HYDIN: variants seen among roughly 807,000 people sequenced by gnomAD.
The protein encoded by HYDIN is HYDIN axonemal central pair apparatus protein, also known as axonemal central pair apparatus protein HYDIN.
A neutral mutation model predicts 403.9 loss-of-function variants in HYDIN; 132 were observed. That is an observed-to-expected ratio of 0.33 (90% CI 0.28 to 0.38). The LOEUF is 0.38. HYDIN is among the 10% of genes least tolerant of loss of function. The pLI, the probability that HYDIN is intolerant of heterozygous loss-of-function variation, is 1.00. For synonymous variants in HYDIN, 1,202 were observed against 1,891.7 expected, an observed-to-expected ratio of 0.64 and a Z score of 9.46; for missense variants, 2,827 against 5,009.5, an observed-to-expected ratio of 0.56 and a Z score of 13.15.
rs2035189179 is a variant in HYDIN at position 70,807,826 on chromosome 16, G to T, written c.15120C>A (p.Ile5040=). The T allele has an allele frequency of 6.2e-7, 1 of 1,614,078 alleles. No individual in the cohort carries two copies. The highest frequency in any genetic ancestry group is 1.1e-5 in the South Asian group (1 of 91,094). The change falls in exon 86 of 86, where the codon ATC becomes ATA. Residue 5040 remains isoleucine (I), a synonymous_variant. Coordinates refer to ENST00000393567, the MANE Select transcript of HYDIN (RefSeq NM_001270974.2). ...TGTGATAGAAGACATTCTTGAAGGG[G>T]ATGATTATGCTGTACCCGGCTCGGA... is the stretch of plus-strand genomic sequence containing the variant. ...FSIRAGYSII[I]PFKNVFYHMV... is the part of the protein sequence containing the mutation.
chr16:71,161,289 G>A (rs1466975814), intron 6 of HYDIN, among the ~76,000 whole-genome samples: 3 of 152,132 alleles, frequency 2.0e-5, no homozygotes, highest in South Asian at 2.1e-4. Flanking sequence ...GAGCTCAGGC[G>A]GTAATGCTAG....
intron 16 of HYDIN, 110 bp downstream of exon 16, chr16:71,064,595 T>C (rs1242691637): frequency 1.0e-6 from 1 of 959,240 alleles, no homozygotes; most frequent in Non-Finnish European, 1.5e-6. Flanking sequence ...AAATCAGCAT[T>C]ACTTAAGGTC....
intron 18 of HYDIN, among the ~76,000 whole-genome samples, chr16:71,059,604 G>C (rs572108754): frequency 6.6e-6 from 1 of 151,926 alleles, no homozygotes; most frequent in East Asian, 1.9e-4. Flanking sequence ...ACAAAGAAGG[G>C]AACAAGAGAC....
In HYDIN at chr16:70,902,549, G is replaced by A. The variant is rs1165206247; in HGVS notation, c.8849+1076C>T. ...CAGGAGAATCGCTTGAATCCGGGAG[G>A]CAGAGGTTGCAGCAAGCCGAGATCG... On this transcript the variant is annotated intron_variant, in intron 52 of 85. Coordinates refer to ENST00000393567, the MANE Select transcript of HYDIN (RefSeq NM_001270974.2). 5.5e-5 allele frequency among the ~76,000 whole-genome samples: 8 copies of A among 144,920 alleles called. No homozygotes were observed. In the East Asian group the frequency reaches 1.4e-3, roughly 25 times the overall value.
intron 38 of HYDIN, among the ~76,000 whole-genome samples, chr16:70,960,893 G>A (rs543729215): frequency 2.0e-4 from 31 of 152,228 alleles, no homozygotes; most frequent in African/African-American, 6.7e-4. Context: ...GGGTTTCATC[G>A]TGTCAGCCAG....
At chr16:70,992,734 C>A (rs2079399683) in intron 23 of HYDIN, among the ~76,000 whole-genome samples, 1 of 152,022 alleles carries the variant, frequency 6.6e-6, no homozygotes, top group Non-Finnish European at 1.5e-5. Context: ...GACCTCAGTG[C>A]CTTGCTTGCC....
intron 38 of HYDIN, among the ~76,000 whole-genome samples, chr16:70,960,271 GT>G (rs2078371428): frequency 6.6e-6 from 1 of 151,388 alleles, no homozygotes. Flanking sequence ...GGCCAAATCT[GT>G]CCTGCTGCTT....
intron 6 of HYDIN, among the ~76,000 whole-genome samples, chr16:71,159,449 T>C (rs1294330346): frequency 2.3e-4 from 3 of 12,968 alleles, no homozygotes; most frequent in African/African-American, 9.8e-4. Flanking sequence ...TGAAAGAGGA[T>C]AGAACAAAAA....
At chr16:71,171,258 A>G (rs1235870760) in intron 5 of HYDIN, among the ~76,000 whole-genome samples, 1 of 152,214 alleles carries the variant, frequency 6.6e-6, no homozygotes, top group Non-Finnish European at 1.5e-5. Context: ...ATCTTAAGTT[A>G]GCCCAAATGT....
rs753231977 is a variant in HYDIN, at chr16:70,974,556, G to A, written c.4887C>T (p.Asp1629=). The A allele has an allele frequency of 3.1e-6, 5 of 1,607,682 alleles. No homozygotes were observed. In the Admixed American group the frequency reaches 6.8e-5, roughly 22 times the overall value. Residue 1629 remains aspartate, a synonymous_variant, in exon 32 of 86, where the codon GAC becomes GAT. Transcript: ENST00000393567. ...TACCTGTCTCATGAAGGACACGCTTGTCTGCATGGAATGACACTGGAAAGT... is the reference window on the plus strand; with the variant it reads ...TACCTGTCTCATGAAGGACACGCTTATCTGCATGGAATGACACTGGAAAGT... ...TSHFPVSFHA[D]KRVLHETGFS...
intron 76 of HYDIN, among the ~76,000 whole-genome samples, chr16:70,838,202 T>TTTC (rs2037569536): frequency 6.6e-6 from 1 of 150,924 alleles, no homozygotes; most frequent in African/African-American, 2.5e-5. Flanking sequence ...TTCTTTCTTT[T>TTTC]TTTTTGGAGA....
In HYDIN at chr16:70,860,811, G is replaced by A; in HGVS notation, c.11868C>T (p.Asp3956=). 1 of 647,356 alleles carries A rather than the reference G, an allele frequency of 1.5e-6. No homozygotes were observed. Among genetic ancestry groups the A allele is most frequent in the Non-Finnish European group, 2.7e-6 (1 of 373,988 alleles). 40.1% of individuals were successfully genotyped at this position (647,356 alleles called of 1,614,324 possible). A position where few individuals can be genotyped will look rare whatever the true frequency, so the allele number is the denominator to read the frequency against. The part of the protein sequence containing the change: ...TLPICHFDLK[D]SDYISGHQRN... Reference sequence around the variant, plus strand: ...GCTGATGGCCACTTATGTAGTCCGAGTCTTTCAGATCAAAATGGCAGATGG... The same window carrying A: ...GCTGATGGCCACTTATGTAGTCCGAATCTTTCAGATCAAAATGGCAGATGG... Residue 3956 remains aspartate, a synonymous_variant, in exon 70 of 86, where the codon GAC becomes GAT. Transcript: ENST00000393567.
intron 62 of HYDIN, among the ~76,000 whole-genome samples, chr16:70,877,038 T>G (rs1447616205): frequency 6.6e-6 from 1 of 150,622 alleles, no homozygotes; most frequent in Admixed American, 6.6e-5. Context: ...ATAGAAATTC[T>G]AAGACTGAAA....
chr16:71,067,350 G>A lies in HYDIN; in HGVS notation c.2015C>T (p.Ala672Val), dbSNP rs1223986540. ...GATGCCCTCCACGTCCACCACGAGT[G>A]CCAGCTCGTATTTCTGCACAGTGTT... ...CSNTVQKYEL[A>V]LVVDVEGIGE... Residue 672 changes from alanine (A) to valine (V), a missense_variant, in exon 15 of 86, where the codon GCA becomes GTA. Coordinates refer to ENST00000393567, the MANE Select transcript of HYDIN (RefSeq NM_001270974.2). The A allele has an allele frequency of 4.3e-6, 7 of 1,612,642 alleles. No individual in the cohort carries two copies. The highest frequency in any genetic ancestry group is 1.1e-5 in the South Asian group (1 of 90,914).
intron 39 of HYDIN, among the ~76,000 whole-genome samples, chr16:70,957,084 T>C (rs1314272563): frequency 3.3e-5 from 5 of 150,848 alleles, no homozygotes; most frequent in South Asian, 2.2e-4. Flanking sequence ...CTCCAGAACG[T>C]TGTCATCTTC....
intron 18 of HYDIN, among the ~76,000 whole-genome samples, chr16:71,040,161 T>C (rs1022216379): frequency 1.3e-5 from 2 of 152,100 alleles, no homozygotes; most frequent in Admixed American, 6.5e-5. Flanking sequence ...TAAGTGGAGT[T>C]TGATCTTGCT....
intron 66 of HYDIN, among the ~76,000 whole-genome samples, chr16:70,866,667 C>T (rs1037354406): frequency 6.6e-6 from 1 of 151,522 alleles, no homozygotes; most frequent in Non-Finnish European, 1.5e-5. Flanking sequence ...AAATAAGACA[C>T]AAAAAGTAAT....
At chr16:70,877,521 A>G (rs1205470119) in intron 62 of HYDIN, among the ~76,000 whole-genome samples, 2 of 152,254 alleles carry the variant, frequency 1.3e-5, no homozygotes, top group Non-Finnish European at 2.9e-5. Context: ...CAATTTTTCC[A>G]TGGACCAGGC....
At chr16:70,957,376 G>C (rs1350847339) in intron 39 of HYDIN, among the ~76,000 whole-genome samples, 1 of 150,292 alleles carries the variant, frequency 6.7e-6, no homozygotes, top group Non-Finnish European at 1.5e-5. Context: ...GCCCAGGCTG[G>C]AGTGCAATGG....
Sources: gnomAD v4.1 joint callset for allele counts (sites outside exome capture counted in the v4.1 genomes callset) on GRCh38, gnomAD v4.1.1 for gene constraint, MANE v1.5 for transcripts, NCBI Gene and HGNC (gene_info 2026-07-23, HGNC 2026-07-21) for gene names.